The following SCLT1 variants were observed in gnomAD, a reference collection of about 807,000 sequenced individuals.
SCLT1 encodes sodium channel and clathrin linker 1, also known as sodium channel-associated protein 1.
SCLT1 carries 78 observed loss-of-function variants against 112.8 expected under a neutral mutation model. The ratio of observed to expected loss-of-function variants is 0.69; its 90% CI spans 0.58 to 0.83. The LOEUF is 0.83. Among genes scored for constraint, SCLT1 ranks in the 40% least tolerant of loss-of-function variants. The pLI is 0.00. For synonymous variants in SCLT1, 257 were observed against 254.7 expected (o/e 1.01, Z -0.09); for missense variants, 747 against 770.4 (o/e 0.97, Z 0.36).
intron 9 of SCLT1, among the ~76,000 whole-genome samples, chr4:128,984,513 A>G (rs1415213422): frequency 6.6e-6 from 1 of 152,254 alleles, no homozygotes; most frequent in Admixed American, 6.5e-5. Flanking sequence ...AAATTTCATG[A>G]TTCTTCCCCT....
chr4:128,986,968 G>A (rs1742150582), intron 9 of SCLT1, among the ~76,000 whole-genome samples: 1 of 152,106 alleles, frequency 6.6e-6, no homozygotes, highest in South Asian at 2.1e-4. Context: ...CTTCTGACTG[G>A]GGAAGGAGTA....
chr4:129,088,963 A>C (rs531508692), intron 1 of SCLT1, among the ~76,000 whole-genome samples: 5 of 152,360 alleles, frequency 3.3e-5, no homozygotes, highest in African/African-American at 1.2e-4. Context: ...AATGTCTAAA[A>C]CACCAAAAGC....
chr4:128,986,189 T>C (rs58795784), intron 9 of SCLT1, among the ~76,000 whole-genome samples: 2,969 of 151,972 alleles, frequency 0.02, 103 homozygotes, highest in African/African-American at 0.064. Context: ...GTGAAGTAAG[T>C]GTTGAACTTT....
chr4:128,974,979 T>C (rs2126040663), intron 9 of SCLT1, among the ~76,000 whole-genome samples: 1 of 151,748 alleles, frequency 6.6e-6, no homozygotes, highest in Middle Eastern at 3.4e-3. Context: ...TTTATATTCC[T>C]GGGATTTTTC....
At chr4:128,923,338 G>C (rs1301814641) in intron 18 of SCLT1, among the ~76,000 whole-genome samples, 2 of 151,738 alleles carry the variant, frequency 1.3e-5, no homozygotes, top group East Asian at 3.9e-4. Context: ...CCAGCTACTT[G>C]GGAGGCTGTG....
intron 5 of SCLT1, among the ~76,000 whole-genome samples, chr4:129,009,052 T>C (rs187364039): frequency 0.012 from 1,774 of 152,360 alleles, 52 homozygotes; most frequent in Admixed American, 0.058. Flanking sequence ...ATTTTCTTTA[T>C]CCAGTCCACT....
intron 13 of SCLT1, among the ~76,000 whole-genome samples, chr4:128,954,900 T>C (rs1046431428): frequency 6.6e-6 from 1 of 152,218 alleles, no homozygotes; most frequent in Non-Finnish European, 1.5e-5. Flanking sequence ...AAGCCTGTCA[T>C]GTCTGTCGCT....
intron 2 of SCLT1, among the ~76,000 whole-genome samples, chr4:129,055,898 A>C (rs1749337579): frequency 1.3e-5 from 2 of 152,260 alleles, no homozygotes. Context: ...ACATCCACCC[A>C]GTGCTGTCCT....
chr4:129,068,385 T>C (rs1445787458), intron 2 of SCLT1, among the ~76,000 whole-genome samples: 1 of 152,228 alleles, frequency 6.6e-6, no homozygotes, highest in East Asian at 1.9e-4. Context: ...CAACATCTAC[T>C]GTTTTTTGAT....
chr4:128,969,537 A>G (rs1426387047), intron 10 of SCLT1, among the ~76,000 whole-genome samples: 1 of 152,086 alleles, frequency 6.6e-6, no homozygotes, highest in Non-Finnish European at 1.5e-5. Context: ...AAGCCACTGC[A>G]CTCCAGCCTG....
At chr4:128,887,405 T>C (rs1476959858) in intron 20 of SCLT1, among the ~76,000 whole-genome samples, 1 of 152,080 alleles carries the variant, frequency 6.6e-6, no homozygotes, top group African/African-American at 2.4e-5. Flanking sequence ...AGAAGTAGAT[T>C]CAAAAAAATC....
chr4:128,899,683 G>C (rs1734103123), intron 18 of SCLT1, among the ~76,000 whole-genome samples: 1 of 152,038 alleles, frequency 6.6e-6, no homozygotes, highest in Non-Finnish European at 1.5e-5. Flanking sequence ...AGGGCAATCA[G>C]GCAGGAGAAG....
intron 2 of SCLT1, among the ~76,000 whole-genome samples, chr4:129,074,016 G>A (rs1757937): frequency 0.56 from 84,363 of 151,866 alleles, 25,513 homozygotes; most frequent in South Asian, 0.68. Flanking sequence ...TTCAATGTCC[G>A]TAAGATATGC....
At chr4:128,877,414 G>A (rs1732546702) in intron 3 of SCLT1, among the ~76,000 whole-genome samples, 1 of 152,176 alleles carries the variant, frequency 6.6e-6, no homozygotes, top group Non-Finnish European at 1.5e-5. Context: ...GGGTGCAGTG[G>A]CTCACGCCTG....
chr4:129,089,217 A>C (rs985523322), intron 1 of SCLT1, among the ~76,000 whole-genome samples: 1 of 152,254 alleles, frequency 6.6e-6, no homozygotes, highest in Non-Finnish European at 1.5e-5. Flanking sequence ...AACACTTCTC[A>C]AAAGAATATA....
intron 9 of SCLT1, among the ~76,000 whole-genome samples, chr4:128,987,082 G>A (rs1424687012): frequency 6.6e-6 from 1 of 152,134 alleles, no homozygotes; most frequent in Non-Finnish European, 1.5e-5. Context: ...CCTAGGCTTA[G>A]GAATCTAAGC....
At chr4:128,904,535 C>T (rs1415846487) in intron 18 of SCLT1, among the ~76,000 whole-genome samples, 2 of 152,072 alleles carry the variant, frequency 1.3e-5, no homozygotes, top group African/African-American at 4.8e-5. Context: ...TCTTTCAGCC[C>T]TTCCCTCTCT....
chr4:129,025,111 T>G (rs996090592), intron 5 of SCLT1, among the ~76,000 whole-genome samples: 7 of 151,598 alleles, frequency 4.6e-5, no homozygotes, highest in African/African-American at 9.7e-5. Context: ...TGGAACCAAG[T>G]TGGAAAACAC....
At chr4:128,885,999 G>T (rs1332388316) in intron 20 of SCLT1, among the ~76,000 whole-genome samples, 1 of 151,562 alleles carries the variant, frequency 6.6e-6, no homozygotes, top group Non-Finnish European at 1.5e-5. Context: ...TGTGTTTAGG[G>T]CATTAGCCTT....
Sources: gnomAD v4.1 joint callset for allele counts (sites outside exome capture counted in the v4.1 genomes callset) on GRCh38, gnomAD v4.1.1 for gene constraint, MANE v1.5 for transcripts, NCBI Gene and HGNC (gene_info 2026-07-23, HGNC 2026-07-21) for gene names.